Variants in CNGA3 observed in about 807,000 individuals in gnomAD.
The protein encoded by CNGA3 is cyclic nucleotide-gated channel alpha-3.
A neutral mutation model predicts 46.6 loss-of-function variants in CNGA3; 42 were observed. The observed-to-expected ratio is 0.90, with a 90% confidence interval of 0.70 to 1.17. The LOEUF (loss-of-function observed/expected upper bound fraction) is 1.17. Ranked by LOEUF, CNGA3 falls within the 50% of genes most tolerant of loss-of-function variation. CNGA3 has a pLI of 0.00. For synonymous variants in CNGA3, 394 were observed against 369.4 expected (o/e 1.07, Z -0.76); for missense variants, 893 against 890.7 (o/e 1.00, Z -0.03).
chr2:98,356,540 G>C (rs1373533845), intron 1 of CNGA3, among the ~76,000 whole-genome samples: 6 of 152,280 alleles, frequency 3.9e-5, no homozygotes, highest in East Asian at 3.9e-4. Context: ...TGGCTGAATA[G>C]AGTCTCCTCC....
At chr2:98,388,643 C>T (rs1692714850) in intron 5 of CNGA3, among the ~76,000 whole-genome samples, 1 of 152,194 alleles carries the variant, frequency 6.6e-6, no homozygotes, top group Non-Finnish European at 1.5e-5. Flanking sequence ...CCGGGGGCTG[C>T]CCCTGTGAGC....
chr2:98,392,102 T>A (rs1692804357), intron 7 of CNGA3, 132 bp downstream of exon 7: 1 of 771,432 alleles, frequency 1.3e-6, no homozygotes, highest in Non-Finnish European at 2.2e-6. Flanking sequence ...CCTCCGACAG[T>A]GAGGGTAGGT....
intron 4 of CNGA3, among the ~76,000 whole-genome samples, chr2:98,382,163 G>C (rs752921396): frequency 6.6e-6 from 1 of 152,198 alleles, no homozygotes; most frequent in Non-Finnish European, 1.5e-5. Context: ...CGATGGTGCG[G>C]ATAGTGTTGG....
intron 1 of CNGA3, 142 bp from the exon 2 acceptor site, chr2:98,369,797 G>A: frequency 3.2e-6 from 2 of 627,784 alleles, no homozygotes; most frequent in South Asian, 3.7e-5. Context: ...ACTCACTGCA[G>A]CAGGAACTAC....
At chr2:98,367,176 C>T (rs865947383) in intron 1 of CNGA3, among the ~76,000 whole-genome samples, 24,344 of 112,106 alleles carry the variant, frequency 0.22, 3,123 homozygotes, top group Non-Finnish European at 0.27. Context: ...TGTTTTTTTT[C>T]TTTTTTTTCT....
chr2:98,362,565 G>A (rs1692059189), intron 1 of CNGA3, among the ~76,000 whole-genome samples: 1 of 151,956 alleles, frequency 6.6e-6, no homozygotes, highest in Admixed American at 6.6e-5. Flanking sequence ...TTTGCCAGAT[G>A]GGTAGATTGC....
chr2:98,396,807 A>C lies in CNGA3; in HGVS notation c.1637A>C (p.Tyr546Ser). The change falls in exon 8 of 8, where the codon TAC (tyrosine) becomes TCC (serine). Residue 546 changes from tyrosine (Y) to serine (S), a missense_variant. Tyr to Ser is a moderately radical substitution (Grantham distance 144). Around this residue, in one of 3 missense-constraint regions of CNGA3, gnomAD observed 548 missense variants for 570.8 expected, o/e 0.96. Coordinates refer to ENST00000272602, the MANE Select transcript of CNGA3 (RefSeq NM_001298.3). The stretch of plus-strand genomic sequence containing the variant: ...TTCGTGGTCCTCAGCGATGGCAGCT[A>C]CTTCGGGGAGATCAGCATTCTGAAC... Reference protein sequence around the residue: ...TQFVVLSDGSYFGEISILNIK... With the variant: ...TQFVVLSDGSSFGEISILNIK... The C allele has an allele frequency of 1.2e-6, 2 of 1,614,216 alleles. No individual in the cohort carries two copies. The highest frequency in any genetic ancestry group is 1.7e-6 in the Non-Finnish European group (2 of 1,180,040).
rs138450444 is a variant in CNGA3, at chr2:98,358,750, G to A, written c.-37-11189G>A. On this transcript the variant is annotated intron_variant, in intron 1 of 7. Coordinates refer to ENST00000272602, the MANE Select transcript of CNGA3 (RefSeq NM_001298.3). ...CATTTATGACACTTATGAGACAATA[G>A]GGAAAAAAGATCTTCTGAGTTATCT... Among the ~76,000 whole-genome samples, 467 of 149,834 alleles carry A rather than the reference G, an allele frequency of 3.1e-3. 3 individuals carry two copies. The highest frequency in any genetic ancestry group is 0.01 in the African/African-American group (435 of 41,482).
Position 98,391,874 on chromosome 2 carries a change from G to T in CNGA3, c.577G>T (p.Asp193Tyr), listed in dbSNP as rs375673700. ...ACATGGCTTCTTTAGGGCCTGTTTCGATGAGCTGCAGTCCGAGTACCTGAT... is the reference window on the plus strand; with the variant it reads ...ACATGGCTTCTTTAGGGCCTGTTTCTATGAGCTGCAGTCCGAGTACCTGAT... ...WYLLICRACF[D>Y]ELQSEYLMLW... Residue 193 changes from aspartate (D) to tyrosine (Y), a missense_variant, in exon 7 of 8, where the codon GAT becomes TAT. Transcript: ENST00000272602. The T allele has an allele frequency of 6.2e-7, 1 of 1,613,986 alleles. No individual in the cohort carries two copies. Among genetic ancestry groups the T allele is most frequent in the African/African-American group, 1.3e-5 (1 of 74,920 alleles).
At chr2:98,379,080 T>C (rs1008911160) in intron 3 of CNGA3, among the ~76,000 whole-genome samples, 4 of 152,222 alleles carry the variant, frequency 2.6e-5, no homozygotes, top group Non-Finnish European at 5.9e-5. Flanking sequence ...GGAGGGAGTA[T>C]GACCTTGGTT....
At chr2:98,394,630 G>A (rs897665943) in intron 7 of CNGA3, among the ~76,000 whole-genome samples, 2 of 152,018 alleles carry the variant, frequency 1.3e-5, no homozygotes, top group Non-Finnish European at 2.9e-5. Flanking sequence ...TTTCTTGTTT[G>A]ATTTTCCTGT....
intron 1 of CNGA3, among the ~76,000 whole-genome samples, chr2:98,362,915 T>C (rs1692065538): frequency 6.6e-6 from 1 of 152,240 alleles, no homozygotes. Flanking sequence ...GGGAATCCTT[T>C]CCCCATTACT....
At chr2:98,371,790 C>T (rs990261820) in intron 2 of CNGA3, among the ~76,000 whole-genome samples, 4 of 152,252 alleles carry the variant, frequency 2.6e-5, no homozygotes, top group African/African-American at 9.6e-5. Flanking sequence ...AGTTTATTTC[C>T]CATGTGTGAG....
intron 5 of CNGA3, among the ~76,000 whole-genome samples, chr2:98,388,407 A>G (rs1160732799): frequency 6.6e-6 from 1 of 152,188 alleles, no homozygotes; most frequent in Non-Finnish European, 1.5e-5. Context: ...GCAGGGCTCC[A>G]GGGCTGGGTA....
chr2:98,386,781 T>C (rs750621592), intron 5 of CNGA3, among the ~76,000 whole-genome samples: 6 of 152,068 alleles, frequency 3.9e-5, no homozygotes, highest in Non-Finnish European at 8.8e-5. Context: ...GCTTTGAAGA[T>C]GTAGGAAGGG....
At chr2:98,386,360 G>A (rs1692653737) in intron 5 of CNGA3, among the ~76,000 whole-genome samples, 1 of 152,172 alleles carries the variant, frequency 6.6e-6, no homozygotes, top group Non-Finnish European at 1.5e-5. Context: ...CATGTGTCGG[G>A]ACAGATCTGG....
chr2:98,389,047 T>C (rs920423961), intron 5 of CNGA3, among the ~76,000 whole-genome samples: 2 of 152,236 alleles, frequency 1.3e-5, no homozygotes, highest in Non-Finnish European at 2.9e-5. Context: ...TTTCATTCCG[T>C]GCGGGCCCAC....
intron 1 of CNGA3, among the ~76,000 whole-genome samples, chr2:98,368,426 T>G (rs1156605479): frequency 6.6e-6 from 1 of 152,194 alleles, no homozygotes; most frequent in Non-Finnish European, 1.5e-5. Context: ...GAAACCATCC[T>G]CAGAAATGCA....
At chr2:98,395,163 C>G (rs1692879096) in intron 7 of CNGA3, among the ~76,000 whole-genome samples, 1 of 152,056 alleles carries the variant, frequency 6.6e-6, no homozygotes, top group Non-Finnish European at 1.5e-5. Context: ...TTGAGATCTG[C>G]CTCCGTCACT....
Sources: gnomAD v4.1 joint callset for allele counts (sites outside exome capture counted in the v4.1 genomes callset) on GRCh38, gnomAD v4.1.1 for gene constraint, gnomAD v4.1.1 regional missense constraint, MANE v1.5 for transcripts, NCBI Gene and HGNC (gene_info 2026-07-23, HGNC 2026-07-21) for gene names.